The following NTM variants were observed in gnomAD, a reference collection of about 807,000 sequenced individuals.
NTM encodes IgLON family member 2.
In NTM, 13 loss-of-function variants were observed where a neutral mutation model predicts 42.1. The observed-to-expected ratio is 0.31, with a 90% CI of 0.20 to 0.49. The LOEUF (loss-of-function observed/expected upper bound fraction) is 0.49, where lower values mean the gene tolerates loss of function less well. Among genes scored for constraint, NTM ranks in the 20% least tolerant of loss-of-function variants. The pLI is 0.99. For missense variants in NTM, 373 were observed against 452.8 expected (o/e 0.82, Z 1.60); for synonymous variants, 187 against 179.2 (o/e 1.04, Z -0.35).
intron 2 of NTM, among the ~76,000 whole-genome samples, chr11:131,969,523 A>G (rs2063260982): frequency 6.6e-6 from 1 of 152,126 alleles, no homozygotes; most frequent in Non-Finnish European, 1.5e-5. Flanking sequence ...GGCTTTGGAG[A>G]CTGAGCAAGG....
At chr11:132,093,509 T>C (rs1467659183) in intron 2 of NTM, among the ~76,000 whole-genome samples, 1 of 152,248 alleles carries the variant, frequency 6.6e-6, no homozygotes, top group Non-Finnish European at 1.5e-5. Flanking sequence ...TGGTATCTCC[T>C]GCCCATCTTC....
chr11:131,775,388 AT>A (rs2086799050), intron 1 of NTM, among the ~76,000 whole-genome samples: 1 of 152,210 alleles, frequency 6.6e-6, no homozygotes, highest in African/African-American at 2.4e-5. Context: ...AAGGAAAAAG[AT>A]TATGTGTCTC....
chr11:132,270,162 C>T (rs1389673826), intron 4 of NTM, among the ~76,000 whole-genome samples: 2 of 152,148 alleles, frequency 1.3e-5, no homozygotes, highest in African/African-American at 2.4e-5. Context: ...TTGACATAGT[C>T]TCTGTGAGAT....
intron 1 of NTM, among the ~76,000 whole-genome samples, chr11:131,397,868 A>G (rs2135651648): frequency 6.6e-6 from 1 of 152,346 alleles, no homozygotes; most frequent in South Asian, 2.1e-4. Context: ...AGTAGACACC[A>G]GTCCCCAGGC....
chr11:131,671,350 C>T, intron 1 of NTM: 2 of 863,152 alleles, frequency 2.3e-6, no homozygotes, highest in Non-Finnish European at 2.8e-6. Context: ...CATCACTGCA[C>T]ACTTTATTTA....
chr11:131,690,028 C>T (rs528707469), intron 1 of NTM, among the ~76,000 whole-genome samples: 2 of 152,236 alleles, frequency 1.3e-5, no homozygotes, highest in Non-Finnish European at 1.5e-5. Flanking sequence ...AGGCAGAGAC[C>T]CATGTTGCTG....
chr11:131,890,994 G>A (rs143092978), intron 1 of NTM, among the ~76,000 whole-genome samples: 10 of 152,256 alleles, frequency 6.6e-5, no homozygotes, highest in African/African-American at 1.9e-4. Flanking sequence ...CTAGCGAGAG[G>A]AGAATGTGCG....
intron 2 of NTM, among the ~76,000 whole-genome samples, chr11:131,924,899 T>A (rs2057738099): frequency 2.0e-5 from 3 of 152,244 alleles, no homozygotes; most frequent in Admixed American, 2.0e-4. Flanking sequence ...ACAGATGTAG[T>A]TTCTGAATCC....
At chr11:132,028,531 T>C (rs904460910) in intron 2 of NTM, among the ~76,000 whole-genome samples, 5 of 152,158 alleles carry the variant, frequency 3.3e-5, no homozygotes, top group African/African-American at 1.2e-4. Context: ...CTTGTTATGA[T>C]GAGCTACTCC....
chr11:132,253,377 T>C (rs2092167950), intron 4 of NTM, among the ~76,000 whole-genome samples: 2 of 152,206 alleles, frequency 1.3e-5, no homozygotes, highest in South Asian at 4.1e-4. Flanking sequence ...AAGCCAGGAT[T>C]TCATCCAAGG....
chr11:131,743,535 G>A (rs760433231), intron 1 of NTM, among the ~76,000 whole-genome samples: 29 of 152,164 alleles, frequency 1.9e-4, no homozygotes, highest in Non-Finnish European at 3.4e-4. Context: ...TTTTAAAAGT[G>A]TTCAGGATCA....
At chr11:131,494,212 A>C (rs180707061) in intron 1 of NTM, among the ~76,000 whole-genome samples, 3 of 152,292 alleles carry the variant, frequency 2.0e-5, no homozygotes, top group Admixed American at 1.3e-4. Flanking sequence ...TTTCCAATAA[A>C]ACTTTGAGCT....
intron 1 of NTM, among the ~76,000 whole-genome samples, chr11:131,692,409 A>G (rs572673365): frequency 1.8e-3 from 275 of 152,306 alleles, no homozygotes; most frequent in African/African-American, 6.4e-3. Context: ...TCCCATGCAG[A>G]TCTCTGAGTG....
intron 2 of NTM, among the ~76,000 whole-genome samples, chr11:132,144,588 ATGT>A (rs148198449): frequency 3.9e-4 from 59 of 152,334 alleles, no homozygotes; most frequent in African/African-American, 1.3e-3. Flanking sequence ...CCCAACTGAG[ATGT>A]TGTTATAAAT....
At position 131,682,876 on chromosome 11, in the gene NTM, C is replaced by T. The variant is rs146204843; in HGVS notation, c.83-228688C>T. 2.7e-3 allele frequency among the ~76,000 whole-genome samples: 413 copies of T among 152,102 alleles called. 3 individuals are homozygous for T. The highest frequency in any genetic ancestry group is 8.8e-3 in the African/African-American group (364 of 41,502). ...CCGCTGTTTCCTGGGAAGCATGTTGCGCCCACACTCCCTCTGCACATTTTA... is the reference window on the plus strand; with the variant it reads ...CCGCTGTTTCCTGGGAAGCATGTTGTGCCCACACTCCCTCTGCACATTTTA... On this transcript the variant is annotated intron_variant, in intron 1 of 8. Coordinates refer to ENST00000683400, the MANE Select transcript of NTM (RefSeq NM_001352005.2).
chr11:131,855,644 T>G (rs2046018328), intron 1 of NTM, among the ~76,000 whole-genome samples: 1 of 152,258 alleles, frequency 6.6e-6, no homozygotes, highest in Non-Finnish European at 1.5e-5. Flanking sequence ...TGTTGCTCCT[T>G]AAATCAATGC....
chr11:131,664,241 C>A (rs777136674), intron 1 of NTM, among the ~76,000 whole-genome samples: 28 of 152,236 alleles, frequency 1.8e-4, no homozygotes, highest in Non-Finnish European at 3.2e-4. Flanking sequence ...CTGGACCTCT[C>A]AACATGGGAC....
intron 4 of NTM, among the ~76,000 whole-genome samples, chr11:132,255,169 T>C (rs528028777): frequency 1.1e-4 from 17 of 152,340 alleles, no homozygotes; most frequent in Admixed American, 7.2e-4. Context: ...CAAGATAAAT[T>C]TGAGCCTGAA....
At chr11:131,792,864 A>G (rs1462682766) in intron 1 of NTM, among the ~76,000 whole-genome samples, 1 of 152,246 alleles carries the variant, frequency 6.6e-6, no homozygotes, top group Non-Finnish European at 1.5e-5. Flanking sequence ...ATATTTCTTT[A>G]GAATATAAAT....
Sources: allele counts gnomAD v4.1 joint callset (sites outside exome capture counted in the v4.1 genomes callset), GRCh38; gene constraint gnomAD v4.1.1; transcripts MANE v1.5; gene names NCBI Gene and HGNC (gene_info 2026-07-23, HGNC 2026-07-21).